Variants in RAP1GAP2 observed in about 807,000 individuals in gnomAD.
The protein encoded by RAP1GAP2 is RAP1 GTPase activating protein 2.
RAP1GAP2 carries 27 observed loss-of-function variants against 95.0 expected under a neutral mutation model. That is an observed-to-expected ratio of 0.28 (90% CI 0.21 to 0.39). The LOEUF (loss-of-function observed/expected upper bound fraction) is 0.39. RAP1GAP2 is among the 10% of genes least tolerant of loss of function. The pLI is 1.00. For synonymous variants in RAP1GAP2, 373 were observed against 380.9 expected (o/e 0.98, Z 0.24); for missense variants, 771 against 970.0 (o/e 0.79, Z 2.72).
intron 3 of RAP1GAP2, among the ~76,000 whole-genome samples, chr17:2,956,952 C>T (rs1420385420): frequency 1.3e-5 from 2 of 152,050 alleles, no homozygotes; most frequent in African/African-American, 4.8e-5. Flanking sequence ...CATAGTGAAA[C>T]CCCGTCTCTA....
chr17:2,808,191 G>A (rs917271292), intron 2 of RAP1GAP2, among the ~76,000 whole-genome samples: 1 of 152,154 alleles, frequency 6.6e-6, no homozygotes, highest in East Asian at 1.9e-4. Context: ...CCCGTTTTGA[G>A]CTGAGCTCAG....
At chr17:2,956,983 C>G (rs2044132667) in intron 3 of RAP1GAP2, among the ~76,000 whole-genome samples, 1 of 152,078 alleles carries the variant, frequency 6.6e-6, no homozygotes, top group African/African-American at 2.4e-5. Flanking sequence ...AAAAAATTAG[C>G]CGGGCACGAT....
upstream of RAP1GAP2, among the ~76,000 whole-genome samples, chr17:2,793,595 C>T (rs1387591589): frequency 6.6e-6 from 1 of 152,230 alleles, no homozygotes; most frequent in Non-Finnish European, 1.5e-5. Context: ...CTGTCAGCGG[C>T]GGGAGGCCAG....
rs201473027 is a variant in RAP1GAP2 at position 2,989,102 on chromosome 17, A to AC, written c.814-2194dup. Among the ~76,000 whole-genome samples, 1,145 of 150,434 alleles carry AC rather than the reference A, an allele frequency of 7.6e-3. 5 individuals are homozygous for AC. Among genetic ancestry groups the AC allele is most frequent in the African/African-American group, 0.018 (716 of 40,164 alleles). ...AAAACAAAAACAAAACAAAAAAAAA[A>AC]CTGCCAAACAGTTTTCTAGTGTTTC... On this transcript the variant is annotated intron_variant, in intron 11 of 24. Transcript: ENST00000254695.
chr17:2,990,822 T>G (rs1410026455), intron 11 of RAP1GAP2, among the ~76,000 whole-genome samples: 1 of 151,728 alleles, frequency 6.6e-6, no homozygotes, highest in Non-Finnish European at 1.5e-5. Flanking sequence ...TTGATTACTT[T>G]AGAGTTTTCA....
chr17:3,027,800 G>C lies in RAP1GAP2; in HGVS notation c.2107+730G>C, dbSNP rs972528725. Among the ~76,000 whole-genome samples, 1 of 148,372 alleles carries C rather than the reference G, an allele frequency of 6.7e-6. No homozygotes were observed. Among genetic ancestry groups the C allele is most frequent in the African/African-American group, 2.5e-5 (1 of 40,594 alleles). ...GGGAGGGATGGAGGGGAGGGGAGAGGAGGGGAGGGGAGCTGCGGCAGAAGC... is the reference window on the plus strand; with the variant it reads ...GGGAGGGATGGAGGGGAGGGGAGAGCAGGGGAGGGGAGCTGCGGCAGAAGC... On this transcript the variant is annotated intron_variant, in intron 22 of 24. Coordinates refer to ENST00000254695, the MANE Select transcript of RAP1GAP2 (RefSeq NM_015085.5). This position sits in a 1 kb window ranked among gnomAD's most constrained non-coding sequence, Gnocchi z 5.2.
At chr17:2,772,432 A>G (rs2068414696), upstream of RAP1GAP2, among the ~76,000 whole-genome samples, 1 of 152,054 alleles carries the variant, frequency 6.6e-6, no homozygotes, top group Non-Finnish European at 1.5e-5. Flanking sequence ...GACTATAGGC[A>G]TGCACCACCT....
chr17:2,991,415 G>A lies in RAP1GAP2; in HGVS notation c.914+18G>A. Reference sequence around the variant, plus strand: ...TTCAAAGGGTGGGTTTTAGCCAAGTGACGGCTCCAGCTCCATCAACAAGGG... The same window carrying A: ...TTCAAAGGGTGGGTTTTAGCCAAGTAACGGCTCCAGCTCCATCAACAAGGG... On this transcript the variant is annotated intron_variant, in intron 12 of 24. Coordinates refer to ENST00000254695, the MANE Select transcript of RAP1GAP2 (RefSeq NM_015085.5). 6.4e-7 allele frequency: 1 copy of A among 1,556,560 alleles called. No homozygotes were observed. Among genetic ancestry groups the A allele is most frequent in the Non-Finnish European group, 8.8e-7 (1 of 1,140,162 alleles).
intron 11 of RAP1GAP2, among the ~76,000 whole-genome samples, chr17:2,990,136 C>A (rs1367763966): frequency 6.6e-6 from 1 of 152,172 alleles, no homozygotes; most frequent in Non-Finnish European, 1.5e-5. Flanking sequence ...TCTATCTATT[C>A]ATCAGATGGA....
chr17:3,025,002 C>A (rs2047060472), intron 19 of RAP1GAP2, among the ~76,000 whole-genome samples: 1 of 152,176 alleles, frequency 6.6e-6, no homozygotes, highest in South Asian at 2.1e-4. Context: ...TCTGAATAAA[C>A]TAAAAGCCAT....
At chr17:2,967,892 T>C (rs187649658) in intron 8 of RAP1GAP2, among the ~76,000 whole-genome samples, 5 of 152,306 alleles carry the variant, frequency 3.3e-5, no homozygotes, top group Admixed American at 3.3e-4. Flanking sequence ...GATCTAAGTA[T>C]TCTAACAGCC....
At chr17:2,798,685 G>A (rs1009555023) in intron 1 of RAP1GAP2, among the ~76,000 whole-genome samples, 1 of 152,098 alleles carries the variant, frequency 6.6e-6, no homozygotes, top group Non-Finnish European at 1.5e-5. Context: ...GAGTGCCCAG[G>A]AGCCTTGGCT....
At chr17:2,804,772 GA>G (rs2069445920) in intron 2 of RAP1GAP2, among the ~76,000 whole-genome samples, 3 of 152,170 alleles carry the variant, frequency 2.0e-5, no homozygotes, top group Admixed American at 2.0e-4. Flanking sequence ...TGCTGGAGGG[GA>G]GGTGGCAACG....
chr17:2,996,861 A>G lies in RAP1GAP2; in HGVS notation c.1045-1360A>G, dbSNP rs151322064. Among the ~76,000 whole-genome samples, 6 of 152,348 alleles carry G rather than the reference A, an allele frequency of 3.9e-5. No individual in the cohort carries two copies. The South Asian group carries it at 1.2e-3, about 32-fold the overall frequency. ...AGTGCTTGGTGTAAAACAGGTGCTC[A>G]GTGAATGAGAAACTCAGTGTGAAGG... On this transcript the variant is annotated intron_variant, in intron 13 of 24. Transcript: ENST00000254695.
At chr17:2,961,890 ATT>A (rs34857082) in intron 4 of RAP1GAP2, among the ~76,000 whole-genome samples, 1,645 of 111,962 alleles carry the variant, frequency 0.015, 21 homozygotes, top group African/African-American at 0.042. Flanking sequence ...GACCCTAAGG[ATT>A]TTTTTTTTTT....
At chr17:2,817,968 C>G (rs965177785) in intron 2 of RAP1GAP2, among the ~76,000 whole-genome samples, 3 of 151,204 alleles carry the variant, frequency 2.0e-5, no homozygotes, top group African/African-American at 7.3e-5. Context: ...TCCCGAGTAG[C>G]TGGGACTACA....
At chr17:2,769,232 TAAAAAAAAAAAAAAAAAAAAAA>T (rs58436827) in intron 1 of RAP1GAP2, among the ~76,000 whole-genome samples, 33 of 42,910 alleles carry the variant, frequency 7.7e-4, no homozygotes, top group Admixed American at 4.4e-3. Flanking sequence ...ACCATTTCTC[TAAAAAAAAAAAAAAAAAAAAAA>T]AAAAAAAAAA....
At chr17:2,831,139 G>A (rs1198310144) in intron 2 of RAP1GAP2, among the ~76,000 whole-genome samples, 1 of 101,184 alleles carries the variant, frequency 9.9e-6, no homozygotes, top group African/African-American at 3.9e-5. Context: ...GTGCAGTGGT[G>A]TGATCTCGGC....
chr17:3,032,359 G>C, intron 23 of RAP1GAP2, 52 bp from the exon 24 acceptor site: 1 of 1,612,316 alleles, frequency 6.2e-7, no homozygotes, highest in Non-Finnish European at 8.5e-7. Flanking sequence ...CCGTGGAAGG[G>C]ACCTGTGCTG....
Sources: gnomAD v4.1 joint callset for allele counts (sites outside exome capture counted in the v4.1 genomes callset) on GRCh38, gnomAD v4.1.1 for gene constraint, Gnocchi (gnomAD v3.1) non-coding constraint, MANE v1.5 for transcripts, NCBI Gene and HGNC (gene_info 2026-07-23, HGNC 2026-07-21) for gene names.